COBLL1: variants seen among roughly 807,000 people sequenced by gnomAD.
The protein encoded by COBLL1 is cordon-bleu protein-like 1.
A neutral mutation model predicts 94.8 loss-of-function variants in COBLL1; 50 were observed. That is an observed-to-expected ratio of 0.53 (90% CI 0.42 to 0.67). The LOEUF (loss-of-function observed/expected upper bound fraction) is 0.67. Ranked by LOEUF, COBLL1 falls within the 30% of genes least tolerant of loss-of-function variation. COBLL1 has a pLI of 0.00. For missense variants in COBLL1, 1,362 were observed against 1,348.7 expected, an observed-to-expected ratio of 1.01 and a Z score of -0.15; for synonymous variants, 448 against 473.8, an observed-to-expected ratio of 0.95 and a Z score of 0.71.
Position 164,841,229 on chromosome 2 carries a change from C to T in COBLL1, c.-33G>A, listed in dbSNP as rs1683591948. 2 of 1,230,468 alleles carry T rather than the reference C, an allele frequency of 1.6e-6. No homozygotes were observed. Among genetic ancestry groups the T allele is most frequent in the East Asian group, 6.4e-5 (2 of 31,426 alleles). The allele number at this position is 1,230,468 out of a possible 1,614,324, so 76.2% of individuals were successfully genotyped here. On this transcript the variant is annotated 5_prime_UTR_variant, in exon 2 of 14. Coordinates refer to ENST00000652658, the MANE Select transcript of COBLL1 (RefSeq NM_001365672.2). The surrounding 1 kb of genome is among the most constrained non-coding windows in gnomAD (Gnocchi z 5.5). Reference sequence around the variant, plus strand: ...CGGGGCGCTGCGCGGGCTCCAGCTCCCAGGCGGCGCGTCACTGCTGGGGTG... The same window carrying T: ...CGGGGCGCTGCGCGGGCTCCAGCTCTCAGGCGGCGCGTCACTGCTGGGGTG...
chr2:164,694,361 C>T lies in COBLL1; in HGVS notation c.3031G>A (p.Ala1011Thr), dbSNP rs189417090. 5.0e-6 allele frequency: 8 copies of T among 1,614,000 alleles called. No homozygotes were observed. The highest frequency in any genetic ancestry group is 4.0e-5 in the African/African-American group (3 of 75,022). The change falls in exon 12 of 14, where the codon GCA becomes ACA. Residue 1011 changes from alanine (A) to threonine (T), a missense_variant. Physicochemically the swap from Ala to Thr is moderately conservative, Grantham distance 58. Transcript: ENST00000652658. ...GTGTTGGCTGGAGGTTGGACCAATG[C>T]ACTGGCACTAGGTGACTCGGTGCGC... ...KERTESPSAS[A>T]LVQPPANTEE...
rs1682974670 is a variant in COBLL1 at position 164,680,268 on chromosome 2, A to G, written c.*5678T>C. 1 of 152,120 alleles carries G rather than the reference A, an allele frequency of 6.6e-6. No homozygotes were observed. The highest frequency in any genetic ancestry group is 1.5e-5 in the Non-Finnish European group (1 of 68,010). 9.4% of individuals were successfully genotyped at this position (152,120 alleles called of 1,614,324 possible). On this transcript the variant is annotated 3_prime_UTR_variant, in exon 14 of 14. Transcript: ENST00000652658. ...CAAGTTAAAAATCATGTACAATATA[A>G]CCCACATACCCACCACCTAGATTTA...
intron 2 of COBLL1, among the ~76,000 whole-genome samples, chr2:164,809,395 G>A (rs185281401): frequency 6.6e-6 from 1 of 152,048 alleles, no homozygotes. Context: ...CCCTGTTTCT[G>A]AGGACATTCT....
chr2:164,755,176 T>C (rs565309725), intron 2 of COBLL1, among the ~76,000 whole-genome samples: 2 of 152,176 alleles, frequency 1.3e-5, no homozygotes, highest in African/African-American at 4.8e-5. Context: ...AATAAATATA[T>C]GAAAATTTTT....
rs1278713455 is a variant in COBLL1, at chr2:164,695,666, AACT to A, written c.1723_1725del (p.Ser575del). On this transcript the variant is annotated inframe_deletion, in exon 12 of 14. Coordinates refer to ENST00000652658, the MANE Select transcript of COBLL1 (RefSeq NM_001365672.2). ...GAAGCTGCTAGATGGTTTTCCTTGT[AACT>A]TATAGCAGTATCAGTTTCATGTGCC... The A allele has an allele frequency of 1.2e-6, 2 of 1,613,844 alleles. No individual in the cohort carries two copies. The highest frequency in any genetic ancestry group is 1.7e-6 in the Non-Finnish European group (2 of 1,179,862).
chr2:164,751,260 C>T (rs973035667), intron 2 of COBLL1, among the ~76,000 whole-genome samples: 4 of 152,152 alleles, frequency 2.6e-5, no homozygotes, highest in African/African-American at 9.7e-5. Flanking sequence ...TGCTTATTTA[C>T]TTATTTCCTT....
intron 10 of COBLL1, among the ~76,000 whole-genome samples, chr2:164,700,101 T>A (rs2105443219): frequency 6.6e-6 from 1 of 152,254 alleles, no homozygotes; most frequent in South Asian, 2.1e-4. Context: ...TAAAGTTGAC[T>A]GCAAAGATAA....
At chr2:164,710,367 A>G (rs3820981) in intron 7 of COBLL1, among the ~76,000 whole-genome samples, 65,240 of 151,910 alleles carry the variant, frequency 0.43, 14,121 homozygotes, top group African/African-American at 0.47. Context: ...TGGGATTTAC[A>G]GAGAATATAC....
chr2:164,726,687 A>C, intron 5 of COBLL1, among the ~76,000 whole-genome samples: 1 of 152,114 alleles, frequency 6.6e-6, no homozygotes, highest in East Asian at 1.9e-4. Context: ...TTATTACAAA[A>C]TATTCACAAA....
At chr2:164,689,658 T>C (rs1378552689) in intron 13 of COBLL1, among the ~76,000 whole-genome samples, 2 of 152,086 alleles carry the variant, frequency 1.3e-5, no homozygotes, top group African/African-American at 4.8e-5. Flanking sequence ...AGAGAAAAAA[T>C]ACCTCCACGT....
intron 2 of COBLL1, chr2:164,761,189 G>C (rs13007608): frequency 1.3e-5 from 2 of 152,314 alleles, no homozygotes; most frequent in African/African-American, 2.4e-5. Flanking sequence ...CGGGTGGATC[G>C]CCTGAGGTCG....
At position 164,672,468 on chromosome 2, in the gene COBLL1, G is replaced by A. The variant is rs183368648; in HGVS notation, n.127-6567C>T. ...AATCCCAGCACTTTGGGAGGCCGAG[G>A]CGGGTGGATCATGAGGTCAGGAGAT... On this transcript the variant is annotated intron_variant and non_coding_transcript_variant, in intron 1 of 2. Transcript: ENST00000495084. Among the ~76,000 whole-genome samples, 413 of 152,128 alleles carry A rather than the reference G, an allele frequency of 2.7e-3. 5 individuals carry two copies. The highest frequency in any genetic ancestry group is 9.5e-3 in the African/African-American group (393 of 41,488).
intron 3 of COBLL1, among the ~76,000 whole-genome samples, chr2:164,732,450 T>C (rs1436892963): frequency 6.6e-6 from 1 of 152,204 alleles, no homozygotes; most frequent in Non-Finnish European, 1.5e-5. Flanking sequence ...GGATGGCACA[T>C]ACCAATTCTA....
intron 2 of COBLL1, among the ~76,000 whole-genome samples, chr2:164,814,971 A>C (rs539799928): frequency 2.0e-5 from 3 of 152,172 alleles, no homozygotes; most frequent in Admixed American, 2.0e-4. Flanking sequence ...ATTCAATTTG[A>C]TAAGTTAACT....
chr2:164,696,090 T>C, intron 11 of COBLL1: 1 of 370,310 alleles, frequency 2.7e-6, no homozygotes, highest in Non-Finnish European at 4.8e-6. Flanking sequence ...TGAGCCTCAG[T>C]TTGCTCAGAC....
chr2:164,694,447 C>T lies in COBLL1; in HGVS notation c.2945G>A (p.Ser982Asn). The change falls in exon 12 of 14, where the codon AGT (serine) becomes AAT (asparagine). Residue 982 changes from serine (S) to asparagine (N), a missense_variant. Transcript: ENST00000652658. ...AAGAGCAAACGGTGAAGGACCAGAA[C>T]TTGAGTATGGTCGTGGGGCACCAAA... ...KTFGAPRPYSSSGPSPFALAV... is the reference protein window; with the variant it reads ...KTFGAPRPYSNSGPSPFALAV... 3.7e-6 allele frequency: 6 copies of T among 1,613,910 alleles called. No individual in the cohort carries two copies. Among genetic ancestry groups the T allele is most frequent in the Non-Finnish European group, 5.1e-6 (6 of 1,179,942 alleles).
At chr2:164,747,014 CA>C (rs1269071289) in intron 2 of COBLL1, among the ~76,000 whole-genome samples, 2 of 152,236 alleles carry the variant, frequency 1.3e-5, no homozygotes, top group African/African-American at 4.8e-5. Flanking sequence ...TGCAAATACA[CA>C]GAATCTCTGG....
At chr2:164,779,751 T>C (rs115451593) in intron 2 of COBLL1, 3 of 470,738 alleles carry the variant, frequency 6.4e-6, no homozygotes, top group Non-Finnish European at 1.3e-5. Flanking sequence ...TTCCTTCAGG[T>C]CTTTCTTCAT....
Position 164,695,726 on chromosome 2 carries a change from C to T in COBLL1, c.1666G>A (p.Asp556Asn). The change falls in exon 12 of 14, where the codon GAT becomes AAT. Residue 556 changes from aspartate (D) to asparagine (N), a missense_variant. Physicochemically the swap from Asp to Asn is conservative, Grantham distance 23. Transcript: ENST00000652658. ...TTTGATGGTCTCTCAACTTCCATATCAATGTTGTTATTTTTGGCAACACCT... is the reference window on the plus strand; with the variant it reads ...TTTGATGGTCTCTCAACTTCCATATTAATGTTGTTATTTTTGGCAACACCT... ...VEGVAKNNNI[D>N]MEVERPSNSE... 1 of 1,613,790 alleles carries T rather than the reference C, an allele frequency of 6.2e-7. No individual in the cohort carries two copies. Among genetic ancestry groups the T allele is most frequent in the African/African-American group, 1.3e-5 (1 of 75,002 alleles).
Sources: allele counts gnomAD v4.1 joint callset (sites outside exome capture counted in the v4.1 genomes callset), GRCh38; gene constraint gnomAD v4.1.1; non-coding constraint Gnocchi (gnomAD v3.1); transcripts MANE v1.5; gene names NCBI Gene and HGNC (gene_info 2026-07-23, HGNC 2026-07-21).